The following PAQR8 variants were observed in gnomAD, a reference collection of about 807,000 sequenced individuals.
PAQR8 encodes progestin and adipoQ receptor family member 8.
Under a neutral mutation model 25.2 loss-of-function variants are expected in PAQR8, and 17 were observed. The observed-to-expected ratio is 0.67, with a 90% CI of 0.46 to 1.01. The LOEUF (loss-of-function observed/expected upper bound fraction) is 1.01. Among genes scored for constraint, PAQR8 ranks in the 50% least tolerant of loss-of-function variants. The pLI is 0.00. For synonymous variants in PAQR8, 204 were observed against 190.6 expected (o/e 1.07, Z -0.58); for missense variants, 392 against 448.4 (o/e 0.87, Z 1.14).
chr6:52,404,530 A>G lies in PAQR8; in HGVS notation c.*252A>G. ...GAAGGGATCTTGACTAAGATTCATG[A>G]GACATTGAATTAAGGAGAATCATCT... On this transcript the variant is annotated 3_prime_UTR_variant, in exon 2 of 2. Transcript: ENST00000442253. 1 of 396,678 alleles carries G rather than the reference A, an allele frequency of 2.5e-6. No individual in the cohort carries two copies. Among genetic ancestry groups the G allele is most frequent in the Non-Finnish European group, 4.7e-6 (1 of 212,768 alleles). The allele number at this position is 396,678 out of a possible 1,614,324, so 24.6% of individuals were successfully genotyped here. A position where few individuals can be genotyped will look rare whatever the true frequency, so the allele number is the denominator to read the frequency against.
chr6:52,382,904 C>A (rs1328907942), intron 1 of PAQR8, among the ~76,000 whole-genome samples: 2 of 152,162 alleles, frequency 1.3e-5, no homozygotes, highest in African/African-American at 4.8e-5. Context: ...AAGCAGTCCT[C>A]CCCCTTAGCT....
intron 1 of PAQR8, among the ~76,000 whole-genome samples, chr6:52,375,243 T>C (rs1353370694): frequency 6.6e-6 from 1 of 151,998 alleles, no homozygotes; most frequent in Non-Finnish European, 1.5e-5. Flanking sequence ...CCCTCTAAAC[T>C]CCAGTCCAGG....
rs574929942 is a variant in PAQR8 at position 52,389,447 on chromosome 6, A to G, written c.-52-13715A>G. 8.5e-5 allele frequency among the ~76,000 whole-genome samples: 13 copies of G among 152,240 alleles called. No homozygotes were observed. The East Asian group carries it at 1.4e-3, about 16-fold the overall frequency. On this transcript the variant is annotated intron_variant, in intron 1 of 1. Coordinates refer to ENST00000442253, the MANE Select transcript of PAQR8 (RefSeq NM_133367.5). ...AGAAGAGAGAAGGCTCTCTACACACACAGTAGTGAAGTAATGGGCAAGCCT... is the reference window on the plus strand; with the variant it reads ...AGAAGAGAGAAGGCTCTCTACACACGCAGTAGTGAAGTAATGGGCAAGCCT...
intron 1 of PAQR8, among the ~76,000 whole-genome samples, chr6:52,369,353 G>A (rs999300812): frequency 6.6e-6 from 1 of 152,138 alleles, no homozygotes; most frequent in Admixed American, 6.5e-5. Context: ...TTGAGACACA[G>A]CTAACAGTAG....
rs897716019 is a variant in PAQR8, at chr6:52,406,074, C to T, written c.*1796C>T. ...TGTTAATCCTCAAATATCTGAACTT[C>T]TGTGTTACCCAAGTGTCTTATACAA... On this transcript the variant is annotated 3_prime_UTR_variant, in exon 2 of 2. Coordinates refer to ENST00000442253, the MANE Select transcript of PAQR8 (RefSeq NM_133367.5). 5.9e-6 allele frequency: 1 copy of T among 169,346 alleles called. No individual in the cohort carries two copies. The highest frequency in any genetic ancestry group is 1.4e-5 in the Non-Finnish European group (1 of 69,836). 10.5% of individuals were successfully genotyped at this position (169,346 alleles called of 1,614,324 possible).
chr6:52,395,229 C>T (rs1253242919), intron 1 of PAQR8, among the ~76,000 whole-genome samples: 1 of 146,336 alleles, frequency 6.8e-6, no homozygotes, highest in Non-Finnish European at 1.5e-5. Context: ...GCCAAGATTG[C>T]GCCATTGCAC....
chr6:52,379,123 A>G (rs1280486573), intron 1 of PAQR8, among the ~76,000 whole-genome samples: 2 of 149,552 alleles, frequency 1.3e-5, no homozygotes, highest in Non-Finnish European at 1.5e-5. Flanking sequence ...AAAAAAGGAA[A>G]TTCTGGCACA....
At chr6:52,375,873 C>T (rs1763479722) in intron 1 of PAQR8, among the ~76,000 whole-genome samples, 1 of 152,178 alleles carries the variant, frequency 6.6e-6, no homozygotes, top group South Asian at 2.1e-4. Context: ...AGTTGCAACT[C>T]TCCCTTTGCA....
intron 1 of PAQR8, among the ~76,000 whole-genome samples, chr6:52,369,196 G>A (rs1351963494): frequency 6.6e-6 from 1 of 152,132 alleles, no homozygotes; most frequent in Non-Finnish European, 1.5e-5. Flanking sequence ...TTCAAGACAA[G>A]TACACCTAGG....
chr6:52,395,250 G>T (rs1287517904), intron 1 of PAQR8, among the ~76,000 whole-genome samples: 1 of 144,488 alleles, frequency 6.9e-6, no homozygotes, highest in Non-Finnish European at 1.5e-5. Flanking sequence ...TCCAGCCTGG[G>T]CGACACAGCG....
intron 1 of PAQR8, among the ~76,000 whole-genome samples, chr6:52,395,272 C>CAAAAAAAAAAAAA (rs34239055): frequency 1.1e-5 from 1 of 93,432 alleles, no homozygotes; most frequent in Non-Finnish European, 2.1e-5. Flanking sequence ...GACTTCGTCT[C>CAAAAAAAAAAAAA]AAAAAAAAAA....
intron 1 of PAQR8, among the ~76,000 whole-genome samples, chr6:52,384,717 C>T (rs1581793032): frequency 6.6e-6 from 1 of 151,962 alleles, no homozygotes; most frequent in South Asian, 2.1e-4. Flanking sequence ...CAATCCTAAG[C>T]AAAAGGAACA....
chr6:52,404,735 C>T lies in PAQR8; in HGVS notation c.*457C>T, dbSNP rs1199586342. On this transcript the variant is annotated 3_prime_UTR_variant, in exon 2 of 2. Transcript: ENST00000442253. ...ATAAATTGACCCAAGGACCGAATTT[C>T]ATTTGGATTTCAAATTGTCCAGAGT... 5.8e-6 allele frequency: 1 copy of T among 173,702 alleles called. No individual in the cohort carries two copies. Among genetic ancestry groups the T allele is most frequent in the Non-Finnish European group, 1.4e-5 (1 of 71,670 alleles). The allele number at this position is 173,702 out of a possible 1,614,324, so 10.8% of individuals were successfully genotyped here. A position where few individuals can be genotyped will look rare whatever the true frequency, so the allele number is the denominator to read the frequency against.
In PAQR8 at chr6:52,404,247, T is replaced by C. The variant is rs1216511666; in HGVS notation, c.1034T>C (p.Val345Ala). Residue 345 changes from valine (V) to alanine (A), a missense_variant, in exon 2 of 2, where the codon GTC becomes GCC. Val to Ala is a moderately conservative substitution (Grantham distance 64). Transcript: ENST00000442253. ...AATAALLRHK[V>A]KARLTKKDS ...ACCGCAGCCCTTCTGAGGCACAAAG[T>C]CAAGGCCAGACTGACCAAGAAAGAT... The C allele has an allele frequency of 6.2e-7, 1 of 1,610,250 alleles. No homozygotes were observed. Among genetic ancestry groups the C allele is most frequent in the East Asian group, 2.2e-5 (1 of 44,786 alleles).
intron 1 of PAQR8, among the ~76,000 whole-genome samples, chr6:52,364,083 G>GTATTTTTTTT (rs1763322318): frequency 1.2e-5 from 1 of 84,268 alleles, no homozygotes; most frequent in Non-Finnish European, 2.2e-5. Context: ...TGAAAGATAT[G>GTATTTTTTTT]TTTTTTTTTT....
chr6:52,364,131 TTCTGGTGCATATAGGTCCA>T (rs1228055973), intron 1 of PAQR8, among the ~76,000 whole-genome samples: 2 of 133,948 alleles, frequency 1.5e-5, no homozygotes, highest in East Asian at 4.7e-4. Flanking sequence ...CCAGATTTCC[TTCTGGTGCATATAGGTCCA>T]TCTTCTGACA....
intron 1 of PAQR8, among the ~76,000 whole-genome samples, chr6:52,386,453 A>G (rs992295562): frequency 6.6e-6 from 1 of 152,238 alleles, no homozygotes; most frequent in Admixed American, 6.5e-5. Flanking sequence ...AATGAACCTC[A>G]GTGCCCATCA....
intron 1 of PAQR8, among the ~76,000 whole-genome samples, chr6:52,402,617 CAAAAAAAA>C (rs5876274): frequency 6.9e-5 from 8 of 115,890 alleles, no homozygotes; most frequent in Non-Finnish European, 6.9e-5. Context: ...AACTCTGTCT[CAAAAAAAA>C]AAAAAAAAAA....
intron 1 of PAQR8, among the ~76,000 whole-genome samples, chr6:52,387,267 G>A (rs1763644153): frequency 6.6e-6 from 1 of 152,206 alleles, no homozygotes; most frequent in Non-Finnish European, 1.5e-5. Context: ...TCCATCAGCA[G>A]CTCAGAGATG....
Sources: allele counts gnomAD v4.1 joint callset (sites outside exome capture counted in the v4.1 genomes callset), GRCh38; gene constraint gnomAD v4.1.1; transcripts MANE v1.5; gene names NCBI Gene and HGNC (gene_info 2026-07-23, HGNC 2026-07-21).